Variants in KLHL8 observed in about 807,000 individuals in gnomAD.
KLHL8 encodes the protein kelch like family member 8, also known as kelch-like protein 8.
In KLHL8, 38 loss-of-function variants were observed where a neutral mutation model predicts 63.5. That is an observed-to-expected ratio of 0.60 (90% CI 0.46 to 0.78). The LOEUF is 0.78. KLHL8 is among the 30% of genes least tolerant of loss of function. The pLI, the probability that KLHL8 is intolerant of heterozygous loss-of-function variation, is 0.00. For synonymous variants in KLHL8, 224 were observed against 254.3 expected, an observed-to-expected ratio of 0.88 and a Z score of 1.13; for missense variants, 566 against 752.4, an observed-to-expected ratio of 0.75 and a Z score of 2.90.
chr4:87,186,344 G>T (rs562892508), intron 2 of KLHL8, among the ~76,000 whole-genome samples: 1 of 151,878 alleles, frequency 6.6e-6, no homozygotes, highest in South Asian at 2.1e-4. Context: ...CACCACACTC[G>T]GCCTCTTTTA....
chr4:87,199,108 T>C (rs979951363), intron 1 of KLHL8, among the ~76,000 whole-genome samples: 3 of 152,066 alleles, frequency 2.0e-5, no homozygotes, highest in African/African-American at 7.2e-5. Flanking sequence ...AAACCTACTT[T>C]AAGTATAAAG....
At chr4:87,177,237 G>A (rs1337505197) in intron 5 of KLHL8, among the ~76,000 whole-genome samples, 1 of 152,086 alleles carries the variant, frequency 6.6e-6, no homozygotes, top group African/African-American at 2.4e-5. Context: ...ACTGGTGGCT[G>A]GGCATGGTGG....
chr4:87,193,706 G>A (rs973178782), intron 2 of KLHL8, among the ~76,000 whole-genome samples: 2 of 152,134 alleles, frequency 1.3e-5, no homozygotes, highest in Non-Finnish European at 2.9e-5. Flanking sequence ...AGGTAAGTTT[G>A]TTTACACCAG....
chr4:87,213,606 T>C (rs1482197531), intron 1 of KLHL8, among the ~76,000 whole-genome samples: 1 of 152,160 alleles, frequency 6.6e-6, no homozygotes, highest in East Asian at 1.9e-4. Flanking sequence ...ACTAGCTACA[T>C]TACTGGGAAG....
intron 1 of KLHL8, among the ~76,000 whole-genome samples, chr4:87,204,488 G>T (rs372689197): frequency 2.0e-5 from 3 of 152,084 alleles, no homozygotes; most frequent in Admixed American, 6.5e-5. Flanking sequence ...ATGAATGCTC[G>T]TGTTTACACA....
intron 2 of KLHL8, among the ~76,000 whole-genome samples, chr4:87,193,012 G>A (rs1424655930): frequency 1.3e-5 from 2 of 152,080 alleles, no homozygotes; most frequent in Admixed American, 6.5e-5. Flanking sequence ...GAAAGCCTAG[G>A]ACTTTATTGT....
In KLHL8 at chr4:87,162,730, G is replaced by A. The variant is rs1306861717; in HGVS notation, c.*789C>T. The A allele has an allele frequency of 2.0e-5, 3 of 152,220 alleles. No individual in the cohort carries two copies. The highest frequency in any genetic ancestry group is 6.5e-5 in the Admixed American group (1 of 15,274). The allele number at this position is 152,220 out of a possible 1,614,324, so 9.4% of individuals were successfully genotyped here. A position where few individuals can be genotyped will look rare whatever the true frequency, so the allele number is the denominator to read the frequency against. On this transcript the variant is annotated 3_prime_UTR_variant, in exon 10 of 10. Coordinates refer to ENST00000273963, the MANE Select transcript of KLHL8 (RefSeq NM_020803.5). ...CATTCTTTCTCAAGGTCTCTCAATT[G>A]GGCACCAGAATAACATCAGATCTAA...
At chr4:87,186,050 T>A (rs1014250448) in intron 2 of KLHL8, among the ~76,000 whole-genome samples, 45 of 148,268 alleles carry the variant, frequency 3.0e-4, no homozygotes, top group African/African-American at 1.2e-3. Context: ...AAAAAATTTT[T>A]TTTTTTGAGA....
upstream of KLHL8, chr4:87,220,911 T>G (rs1732820018): frequency 6.6e-6 from 1 of 150,998 alleles, no homozygotes; most frequent in Admixed American, 6.6e-5. Flanking sequence ...CAAATCCCCT[T>G]CTGCGGTTGT....
intron 8 of KLHL8, chr4:87,167,576 G>A (rs887233511): frequency 2.1e-5 from 11 of 524,284 alleles, no homozygotes; most frequent in Middle Eastern, 5.9e-4. Context: ...GTTATGCTAA[G>A]AAGAAGGGCA....
rs1730649496 is a variant in KLHL8, at chr4:87,171,949, C to G, written c.1209-1334G>C. On this transcript the variant is annotated intron_variant, in intron 6 of 9. Transcript: ENST00000273963. ...AAATATGTCTTGCTGGCTCTTCAAC[C>G]TTAACTTTAATCTGAAATGAAACTC... 2.0e-5 allele frequency among the ~76,000 whole-genome samples: 3 copies of G among 152,164 alleles called. No homozygotes were observed. In the South Asian group the frequency reaches 6.2e-4, roughly 32 times the overall value.
At chr4:87,219,110 GAAAT>G (rs773578402) in intron 1 of KLHL8, among the ~76,000 whole-genome samples, 26 of 152,206 alleles carry the variant, frequency 1.7e-4, no homozygotes, top group Non-Finnish European at 3.5e-4. Flanking sequence ...AAAAAGTGAC[GAAAT>G]AAATAAAGTG....
In KLHL8 at chr4:87,195,337, T is replaced by A. The variant is rs1349537086; in HGVS notation, c.203A>T (p.Asp68Val). 3 of 1,611,758 alleles carry A rather than the reference T, an allele frequency of 1.9e-6. No individual in the cohort carries two copies. The highest frequency in any genetic ancestry group is 2.1e-4 in the Middle Eastern group (1 of 4,804). ...AGGCAATCTCACCTTGAGTGTGACA[T>A]CACAGAGTTCTCCATTTTCATAAAA... ...LRFYENGELC[D>V]VTLKVGSKLI... Residue 68 changes from aspartate to valine, a missense_variant, in exon 2 of 10, where the codon GAT (aspartate) becomes GTT (valine). By Grantham distance (152) the Asp-to-Val change is radical (BLOSUM62 -3). Transcript: ENST00000273963.
chr4:87,239,085 C>T (rs538391694), intron 1 of KLHL8, among the ~76,000 whole-genome samples: 1 of 152,234 alleles, frequency 6.6e-6, no homozygotes, highest in African/African-American at 2.4e-5. Flanking sequence ...ACAATATATA[C>T]CTTTTTCGCA....
At chr4:87,207,745 C>T (rs1578395412) in intron 1 of KLHL8, 1 of 856,702 alleles carries the variant, frequency 1.2e-6, no homozygotes, top group African/African-American at 1.7e-5. Context: ...GGGAAAGGCC[C>T]TCTCTGAGCT....
At chr4:87,180,830 C>T (rs1399312253) in intron 4 of KLHL8, among the ~76,000 whole-genome samples, 1 of 151,816 alleles carries the variant, frequency 6.6e-6, no homozygotes, top group African/African-American at 2.4e-5. Flanking sequence ...ATCACTTGAG[C>T]CCAGGCATTT....
chr4:87,209,832 TG>T (rs1199731833), intron 1 of KLHL8, among the ~76,000 whole-genome samples: 1 of 149,832 alleles, frequency 6.7e-6, no homozygotes, highest in Non-Finnish European at 1.5e-5. Flanking sequence ...AAATGGCACT[TG>T]GTGTTCCGTT....
In KLHL8 at chr4:87,185,601, G is replaced by C; in HGVS notation, c.415C>G (p.Pro139Ala). Residue 139 changes from proline to alanine, a missense_variant, in exon 3 of 10, where the codon CCT becomes GCT. Transcript: ENST00000273963. ...AGAATACAGGCTGCATATAAGAGAG[G>C]CTGGACATTGTCAACAGTCAAAGTG... ...RLTLTVDNVQ[P>A]LLYAACILQV... The C allele has an allele frequency of 1.2e-6, 2 of 1,614,222 alleles. No homozygotes were observed. The highest frequency in any genetic ancestry group is 1.7e-6 in the Non-Finnish European group (2 of 1,180,040).
Position 87,161,233 on chromosome 4 carries a change from AG to A in KLHL8, c.*2285del, listed in dbSNP as rs760801958. 6.6e-6 allele frequency: 1 copy of A among 152,010 alleles called. No homozygotes were observed. The highest frequency in any genetic ancestry group is 2.4e-5 in the African/African-American group (1 of 41,402). The allele number at this position is 152,010 out of a possible 1,614,324, so 9.4% of individuals were successfully genotyped here. On this transcript the variant is annotated 3_prime_UTR_variant, in exon 10 of 10. Transcript: ENST00000273963. Reference sequence around the variant, plus strand: ...TAATTTTTGTACTTTTAGTAGAGACAGGGTTTCACCATGTTGGTCAGGCTGG... The same window carrying A: ...TAATTTTTGTACTTTTAGTAGAGACAGGTTTCACCATGTTGGTCAGGCTGG...
Sources: gnomAD v4.1 joint callset for allele counts (sites outside exome capture counted in the v4.1 genomes callset) on GRCh38, gnomAD v4.1.1 for gene constraint, MANE v1.5 for transcripts, NCBI Gene and HGNC (gene_info 2026-07-23, HGNC 2026-07-21) for gene names.